The following CHST8 variants were observed in gnomAD, a reference collection of about 807,000 sequenced individuals.
The protein encoded by CHST8 is GALNAC-4-ST1.
CHST8 carries 10 observed loss-of-function variants against 15.0 expected under a neutral mutation model. The observed-to-expected ratio is 0.67, with a 90% CI of 0.41 to 1.13. CHST8 has a LOEUF of 1.13. CHST8 is among the 50% of genes most tolerant of loss of function. CHST8 has a pLI of 0.00. For synonymous variants in CHST8, 259 were observed against 256.6 expected (o/e 1.01, Z -0.09); for missense variants, 634 against 608.2 (o/e 1.04, Z -0.45).
In CHST8 at chr19:33,696,222, A is replaced by G. The variant is rs182966302; in HGVS notation, c.130+6831A>G. Among the ~76,000 whole-genome samples the G allele has an allele frequency of 2.6e-3, 391 of 152,306 alleles. 7 individuals are homozygous for G. The highest frequency in any genetic ancestry group is 0.022 in the Admixed American group (339 of 15,308). On this transcript the variant is annotated intron_variant, in intron 3 of 4. Coordinates refer to ENST00000650847, the MANE Select transcript of CHST8 (RefSeq NM_001127895.2). ...TGTGCTGCAATAAGTATGCATGAGC[A>G]TGTGTCTTTTTCATATGATGAGTTT...
chr19:33,759,450 GT>G (rs1974671730), intron 3 of CHST8, among the ~76,000 whole-genome samples: 1 of 152,342 alleles, frequency 6.6e-6, no homozygotes, highest in Admixed American at 6.5e-5. Flanking sequence ...AGAGCCTGGG[GT>G]GGGATCCCGG....
intron 1 of CHST8, among the ~76,000 whole-genome samples, chr19:33,652,116 A>T (rs1972456390): frequency 6.6e-6 from 1 of 152,124 alleles, no homozygotes; most frequent in Admixed American, 6.6e-5. Context: ...CAAGATGATT[A>T]TGCCTTCCTA....
Position 33,692,783 on chromosome 19 carries a change from G to C in CHST8, c.130+3392G>C, listed in dbSNP as rs554038485. Among the ~76,000 whole-genome samples the C allele has an allele frequency of 2.0e-5, 3 of 152,152 alleles. No individual in the cohort carries two copies. The South Asian group carries it at 6.2e-4, about 32-fold the overall frequency. On this transcript the variant is annotated intron_variant, in intron 3 of 4. Transcript: ENST00000650847. ...TTTGGTCGAGCAAACTGAATTTTAC[G>C]AGCTGCTTTCTTTGTGAATGTTTTA...
At chr19:33,718,494 C>G (rs747341453) in intron 3 of CHST8, among the ~76,000 whole-genome samples, 6 of 152,216 alleles carry the variant, frequency 3.9e-5, no homozygotes, top group Non-Finnish European at 8.8e-5. Flanking sequence ...CCCCGCACTC[C>G]TCTGCAGGCT....
At chr19:33,726,687 C>G (rs1487174321) in intron 3 of CHST8, among the ~76,000 whole-genome samples, 1 of 152,132 alleles carries the variant, frequency 6.6e-6, no homozygotes, top group Admixed American at 6.5e-5. Flanking sequence ...TCCCACCTCT[C>G]GACAGCAGTG....
chr19:33,771,389 T>C (rs964860118), intron 3 of CHST8, 24 bp from the exon 4 acceptor site: 3 of 1,613,474 alleles, frequency 1.9e-6, no homozygotes, highest in Non-Finnish European at 2.5e-6. Context: ...GCTAATACTG[T>C]CCTCTCCTCT....
At chr19:33,625,579 C>T (rs1568306294) in intron 1 of CHST8, among the ~76,000 whole-genome samples, 2 of 152,018 alleles carry the variant, frequency 1.3e-5, no homozygotes, top group African/African-American at 4.8e-5. Context: ...TTTAAAAGAT[C>T]GGCCAGGCAC....
At chr19:33,647,690 A>G (rs1426476156) in intron 1 of CHST8, among the ~76,000 whole-genome samples, 2 of 152,036 alleles carry the variant, frequency 1.3e-5, no homozygotes, top group Non-Finnish European at 2.9e-5. Flanking sequence ...TACTAAAAAT[A>G]CAAAAATTAG....
intron 3 of CHST8, among the ~76,000 whole-genome samples, chr19:33,724,433 G>A (rs1185405816): frequency 6.6e-6 from 1 of 152,220 alleles, no homozygotes; most frequent in Non-Finnish European, 1.5e-5. Context: ...CCCCATCCGG[G>A]CTCAGCCAAG....
At chr19:33,628,382 G>T (rs1386044830) in intron 1 of CHST8, among the ~76,000 whole-genome samples, 2 of 152,238 alleles carry the variant, frequency 1.3e-5, no homozygotes, top group Non-Finnish European at 2.9e-5. Flanking sequence ...CTGCTGCAGA[G>T]TAGGAAGACC....
At position 33,673,903 on chromosome 19, in the gene CHST8, G is replaced by A. The variant is rs185623578; in HGVS notation, c.-87+6060G>A. ...CGGGTAGATGGGAATACAGGCTCGC[G>A]CCATCACATCTGGCTAATTTTTGTA... On this transcript the variant is annotated intron_variant, in intron 2 of 4. Transcript: ENST00000650847. Among the ~76,000 whole-genome samples, 327 of 152,256 alleles carry A rather than the reference G, an allele frequency of 2.1e-3. 2 individuals are homozygous for A. Among genetic ancestry groups the A allele is most frequent in the African/African-American group, 7.5e-3 (313 of 41,538 alleles).
Position 33,718,783 on chromosome 19 carries a change from G to A in CHST8, c.130+29392G>A, listed in dbSNP as rs183199201. 5.0e-3 allele frequency among the ~76,000 whole-genome samples: 758 copies of A among 152,368 alleles called. 5 individuals carry two copies. Among genetic ancestry groups the A allele is most frequent in the Non-Finnish European group, 6.1e-3 (413 of 68,046 alleles). On this transcript the variant is annotated intron_variant, in intron 3 of 4. Coordinates refer to ENST00000650847, the MANE Select transcript of CHST8 (RefSeq NM_001127895.2). ...CGCAGCCTGCGGAGGAGGGTGTTGA[G>A]GCAGCTCAGCCAGCATGAGGCTGGC...
At chr19:33,657,853 G>A (rs748321602) in intron 1 of CHST8, among the ~76,000 whole-genome samples, 6 of 152,158 alleles carry the variant, frequency 3.9e-5, no homozygotes, top group Admixed American at 6.5e-5. Context: ...TTACAGGCAT[G>A]AGCCATTGTG....
intron 3 of CHST8, among the ~76,000 whole-genome samples, chr19:33,706,003 C>G (rs1298755250): frequency 2.0e-5 from 3 of 152,260 alleles, no homozygotes; most frequent in Non-Finnish European, 4.4e-5. Flanking sequence ...CTCGCTGTAC[C>G]CGTCTCTATT....
At chr19:33,648,413 C>T (rs1972382674) in intron 1 of CHST8, among the ~76,000 whole-genome samples, 2 of 152,154 alleles carry the variant, frequency 1.3e-5, no homozygotes. Context: ...CAGTCCTAGG[C>T]AAACACTAAT....
chr19:33,757,297 C>T (rs988785498), intron 3 of CHST8, among the ~76,000 whole-genome samples: 1 of 150,730 alleles, frequency 6.6e-6, no homozygotes, highest in South Asian at 2.1e-4. Flanking sequence ...ATGAGAATCG[C>T]TTGAACCAGG....
intron 1 of CHST8, among the ~76,000 whole-genome samples, chr19:33,652,893 T>C (rs1972467844): frequency 1.3e-5 from 2 of 152,214 alleles, no homozygotes; most frequent in Non-Finnish European, 2.9e-5. Flanking sequence ...TAACCCAATA[T>C]GATTTAAATA....
chr19:33,737,775 C>A (rs1974113854), intron 3 of CHST8, among the ~76,000 whole-genome samples: 1 of 152,132 alleles, frequency 6.6e-6, no homozygotes, highest in Admixed American at 6.5e-5. Flanking sequence ...GTGTTTTCTG[C>A]CCAGCTAATG....
At chr19:33,633,587 G>A (rs1972152579) in intron 1 of CHST8, among the ~76,000 whole-genome samples, 1 of 150,076 alleles carries the variant, frequency 6.7e-6, no homozygotes, top group African/African-American at 2.5e-5. Context: ...TAGAGATGGG[G>A]GGGTCTCACT....
Sources: allele counts gnomAD v4.1 joint callset (sites outside exome capture counted in the v4.1 genomes callset), GRCh38; gene constraint gnomAD v4.1.1; transcripts MANE v1.5; gene names NCBI Gene and HGNC (gene_info 2026-07-23, HGNC 2026-07-21).